HMCN1: variants seen among roughly 807,000 people sequenced by gnomAD.
The protein encoded by HMCN1 is hemicentin-1.
HMCN1 carries 321 observed loss-of-function variants against 625.9 expected under a neutral mutation model. That is an observed-to-expected ratio of 0.51 (90% CI 0.47 to 0.56). The LOEUF is 0.56. Among genes scored for constraint, HMCN1 ranks in the 20% least tolerant of loss-of-function variants. HMCN1 has a pLI of 0.00. For missense variants in HMCN1, 6,588 were observed against 6,887.3 expected, an observed-to-expected ratio of 0.96 and a Z score of 1.54; for synonymous variants, 2,425 against 2,417.6, an observed-to-expected ratio of 1.00 and a Z score of -0.09.
At position 186,006,207 on chromosome 1, in the gene HMCN1, A is replaced by G. The variant is rs141381000; in HGVS notation, c.4476-921A>G. ...TATTCTCTTAACTTTTGAGAGCTAT[A>G]TACAAAGTGTCATACTAAGAAATAG... On this transcript the variant is annotated intron_variant, in intron 29 of 106. Coordinates refer to ENST00000271588, the MANE Select transcript of HMCN1 (RefSeq NM_031935.3). Among the ~76,000 whole-genome samples, 905 of 152,206 alleles carry G rather than the reference A, an allele frequency of 5.9e-3. 4 individuals carry two copies. The highest frequency in any genetic ancestry group is 8.2e-3 in the Non-Finnish European group (557 of 67,998).
At chr1:186,093,332 C>A in intron 65 of HMCN1, 74 bp downstream of exon 65, 1 of 1,599,766 alleles carries the variant, frequency 6.3e-7, no homozygotes, top group Non-Finnish European at 8.6e-7. Context: ...GGCCCAGCAG[C>A]AGGTGTCTGG....
At chr1:185,889,690 T>C (rs1226704288) in intron 4 of HMCN1, among the ~76,000 whole-genome samples, 4 of 139,670 alleles carry the variant, frequency 2.9e-5, no homozygotes, top group East Asian at 2.0e-4. Flanking sequence ...AGCTTTTTGA[T>C]GTGCTGCTGG....
chr1:186,059,285 A>G (rs1441198754), intron 46 of HMCN1, among the ~76,000 whole-genome samples: 1 of 152,062 alleles, frequency 6.6e-6, no homozygotes, highest in Non-Finnish European at 1.5e-5. Flanking sequence ...AAGCCTAAAC[A>G]CATTATCTTC....
intron 11 of HMCN1, among the ~76,000 whole-genome samples, chr1:185,935,091 C>T (rs1476156773): frequency 2.0e-5 from 3 of 152,102 alleles, no homozygotes; most frequent in Non-Finnish European, 2.9e-5. Flanking sequence ...AACTCTGGAA[C>T]TATTTTACCA....
intron 86 of HMCN1, among the ~76,000 whole-genome samples, chr1:186,134,331 G>A (rs546742294): frequency 5.9e-5 from 9 of 152,078 alleles, no homozygotes; most frequent in Non-Finnish European, 1.3e-4. Context: ...TGATAATTTA[G>A]CCATTTTAAT....
At chr1:186,125,871 G>GAAGT (rs1210036481) in intron 82 of HMCN1, 77 bp downstream of exon 82, 1 of 1,067,738 alleles carries the variant, frequency 9.4e-7, no homozygotes, top group Non-Finnish European at 1.4e-6. Flanking sequence ...ATTTAGCATG[G>GAAGT]AAGTATATTC....
At chr1:185,992,240 CTT>C (rs541409926) in intron 22 of HMCN1, among the ~76,000 whole-genome samples, 83 of 152,168 alleles carry the variant, frequency 5.5e-4, no homozygotes, top group Non-Finnish European at 1.0e-3. Flanking sequence ...TGTGTGGTGT[CTT>C]TTGTTGTACA....
intron 2 of HMCN1, 93 bp from the exon 3 acceptor site, chr1:185,864,377 C>T (rs1663049969): frequency 1.7e-6 from 2 of 1,191,144 alleles, no homozygotes; most frequent in African/African-American, 1.5e-5. Flanking sequence ...GGAAAACTTG[C>T]TCGTTCTAAA....
At position 185,864,576 on chromosome 1, in the gene HMCN1, A is replaced by T. The variant is rs1663064918; in HGVS notation, c.446A>T (p.Asp149Val). The T allele has an allele frequency of 6.2e-7, 1 of 1,614,078 alleles. No homozygotes were observed. The highest frequency in any genetic ancestry group is 8.5e-7 in the Non-Finnish European group (1 of 1,180,006). ...GTTTTCACTGATGCTCGGTCCAAAG[A>T]TTACCGGCTCACCCATGAGGTGCTG... ...IYVFTDARSK[D>V]YRLTHEVLQL... The change falls in exon 3 of 107, where the codon GAT becomes GTT. Residue 149 changes from aspartate to valine, a missense_variant. Physicochemically the swap from Asp to Val is radical, Grantham distance 152. Transcript: ENST00000271588.
rs770519573 is a variant in HMCN1, at chr1:185,982,299, T to A, written c.2700T>A (p.Asn900Lys). The A allele has an allele frequency of 6.2e-7, 1 of 1,613,062 alleles. No homozygotes were observed. Among genetic ancestry groups the A allele is most frequent in the Admixed American group, 1.7e-5 (1 of 60,000 alleles). The change falls in exon 18 of 107, where the codon AAT becomes AAA. Residue 900 changes from asparagine (N) to lysine (K), a missense_variant. Around this residue, in one of 3 missense-constraint regions of HMCN1, gnomAD observed 4,628 missense variants for 4,853.1 expected, o/e 0.95. Transcript: ENST00000271588. ...PLIGISPSVA[N>K]VIEGQQLTLP... ...TTGGAATCAGCCCTTCAGTGGCCAA[T>A]GTTATTGAAGGACAGCAGCTTACTT...
At chr1:185,808,382 G>T (rs183900049) in intron 1 of HMCN1, among the ~76,000 whole-genome samples, 28 of 151,894 alleles carry the variant, frequency 1.8e-4, no homozygotes, top group Admixed American at 1.8e-3. Context: ...AAGTAAAAAT[G>T]GTGGTGCATG....
chr1:186,168,817 G>A (rs1400326716), intron 100 of HMCN1, among the ~76,000 whole-genome samples: 1 of 152,038 alleles, frequency 6.6e-6, no homozygotes, highest in Non-Finnish European at 1.5e-5. Context: ...AGAAAGTGCA[G>A]GTTTGTTACG....
chr1:185,889,003 TCTC>T (rs1376783023), intron 4 of HMCN1, among the ~76,000 whole-genome samples: 1 of 146,168 alleles, frequency 6.8e-6, no homozygotes, highest in Non-Finnish European at 1.5e-5. Context: ...GGTTTGTAGT[TCTC>T]CTTGAAGAGG....
chr1:186,083,764 T>C (rs1288963841), intron 57 of HMCN1, among the ~76,000 whole-genome samples: 1 of 152,050 alleles, frequency 6.6e-6, no homozygotes, highest in Non-Finnish European at 1.5e-5. Context: ...GTAGTGAGTA[T>C]TGGTATCTAG....
At chr1:186,049,332 A>C (rs901101515) in intron 42 of HMCN1, among the ~76,000 whole-genome samples, 1 of 152,116 alleles carries the variant, frequency 6.6e-6, no homozygotes, top group African/African-American at 2.4e-5. Flanking sequence ...TCTCATACAT[A>C]GTCACAACTT....
chr1:185,974,916 G>C (rs1446566691), intron 15 of HMCN1, among the ~76,000 whole-genome samples: 1 of 152,052 alleles, frequency 6.6e-6, no homozygotes, highest in Non-Finnish European at 1.5e-5. Context: ...TTTAATTCCA[G>C]TTTGTTCTTG....
chr1:185,839,042 T>G (rs926685597), intron 1 of HMCN1, among the ~76,000 whole-genome samples: 1 of 152,224 alleles, frequency 6.6e-6, no homozygotes, highest in Non-Finnish European at 1.5e-5. Flanking sequence ...CTGCATACAT[T>G]TGTTTGGTTG....
At chr1:186,101,960 T>C (rs1334989503) in intron 68 of HMCN1, among the ~76,000 whole-genome samples, 3 of 152,138 alleles carry the variant, frequency 2.0e-5, no homozygotes, top group Non-Finnish European at 4.4e-5. Context: ...TTGAGGACAA[T>C]GTAACCGTGA....
At chr1:185,989,867 A>C (rs886606607) in intron 21 of HMCN1, among the ~76,000 whole-genome samples, 2 of 150,990 alleles carry the variant, frequency 1.3e-5, no homozygotes, top group Non-Finnish European at 2.9e-5. Flanking sequence ...GCAATTGTAT[A>C]GTCTTTCGGA....
Sources: allele counts gnomAD v4.1 joint callset (sites outside exome capture counted in the v4.1 genomes callset), GRCh38; gene constraint gnomAD v4.1.1; regional missense constraint gnomAD v4.1.1; transcripts MANE v1.5; gene names NCBI Gene and HGNC (gene_info 2026-07-23, HGNC 2026-07-21).